Variants in ARGLU1 observed in about 807,000 individuals in gnomAD.
The protein encoded by ARGLU1 is arginine and glutamate rich 1, also known as arginine and glutamate-rich protein 1.
In ARGLU1, 9 loss-of-function variants were observed where a neutral mutation model predicts 37.6. The observed-to-expected ratio is 0.24, with a 90% CI of 0.14 to 0.42. The LOEUF (loss-of-function observed/expected upper bound fraction) is 0.42. Among genes scored for constraint, ARGLU1 ranks in the 10% least tolerant of loss-of-function variants. The pLI is 1.00. For missense variants in ARGLU1, 211 were observed against 359.2 expected (o/e 0.59, Z 3.34); for synonymous variants, 166 against 138.5 (o/e 1.20, Z -1.39).
rs556128530 is a variant in ARGLU1 at position 106,551,158 on chromosome 13, C to G, written c.657+5890G>C. ...CAGAGACAGTTTTTCTAACAGTGAA[C>G]ACCTTTTGCCATCTGAGTAGCCTGA... On this transcript the variant is annotated intron_variant, in intron 3 of 3. Transcript: ENST00000400198. Among the ~76,000 whole-genome samples, 25 of 152,316 alleles carry G rather than the reference C, an allele frequency of 1.6e-4. No homozygotes were observed. The South Asian group carries it at 5.0e-3, about 30-fold the overall frequency.
rs1395936203 is a variant in ARGLU1 at position 106,543,980 on chromosome 13, GT to G, written c.*15del. The G allele has an allele frequency of 6.4e-7, 1 of 1,574,382 alleles. No individual in the cohort carries two copies. The highest frequency in any genetic ancestry group is 1.4e-5 in the African/African-American group (1 of 71,732). On this transcript the variant is annotated 3_prime_UTR_variant, in exon 4 of 4. Transcript: ENST00000400198. ...GTTTTTCCATTTTTCTTTGTAAAAAGTTCAGAGTTTGCAATTTAATCCTGGG... is the reference window on the plus strand; with the variant it reads ...GTTTTTCCATTTTTCTTTGTAAAAAGTCAGAGTTTGCAATTTAATCCTGGG...
Position 106,542,536 on chromosome 13 carries a change from T to A in ARGLU1, c.*1460A>T, listed in dbSNP as rs549026913. On this transcript the variant is annotated 3_prime_UTR_variant, in exon 4 of 4. Transcript: ENST00000400198. ...TTAGACTCATTGAAGAGCTCAAAAC[T>A]AAAGCAACAGCATTTTTCCTAGCAT... 5 of 152,128 alleles carry A rather than the reference T, an allele frequency of 3.3e-5. No homozygotes were observed. Among genetic ancestry groups the A allele is most frequent in the Admixed American group, 1.3e-4 (2 of 15,270 alleles). The allele number at this position is 152,128 out of a possible 1,614,324, so 9.4% of individuals were successfully genotyped here. A position where few individuals can be genotyped will look rare whatever the true frequency, so the allele number is the denominator to read the frequency against.
chr13:106,549,896 G>A (rs945207821), intron 3 of ARGLU1, among the ~76,000 whole-genome samples: 2 of 152,190 alleles, frequency 1.3e-5, no homozygotes, highest in African/African-American at 2.4e-5. Context: ...ACTCTGGAGA[G>A]ACTGCTGTAT....
In ARGLU1 at chr13:106,557,210, G is replaced by C. The variant is rs892683525; in HGVS notation, c.574-79C>G. ...GATAAATATTTACTAATCTTCCTCT[G>C]AACTTTTTTGATATGACTTACAGGG... On this transcript the variant is annotated intron_variant, in intron 2 of 3. Coordinates refer to ENST00000400198, the MANE Select transcript of ARGLU1 (RefSeq NM_018011.4). This position sits in a 1 kb window ranked among gnomAD's most constrained non-coding sequence, Gnocchi z 5.0. The C allele has an allele frequency of 1.4e-5, 18 of 1,257,356 alleles. No homozygotes were observed. Among genetic ancestry groups the C allele is most frequent in the Non-Finnish European group, 2.0e-5 (18 of 878,616 alleles). The allele number at this position is 1,257,356 out of a possible 1,614,324, so 77.9% of individuals were successfully genotyped here.
chr13:106,553,147 A>T (rs2138968497), intron 3 of ARGLU1, among the ~76,000 whole-genome samples: 1 of 152,350 alleles, frequency 6.6e-6, no homozygotes, highest in East Asian at 1.9e-4. Context: ...TAGAAACTGA[A>T]GAAAAGTATA....
chr13:106,561,000 C>A (rs1452806517), intron 1 of ARGLU1, among the ~76,000 whole-genome samples: 1 of 152,216 alleles, frequency 6.6e-6, no homozygotes, highest in Non-Finnish European at 1.5e-5. Context: ...CACACTAACA[C>A]CAATGTGTCT....
At chr13:106,552,869 CTT>C (rs1324545717) in intron 3 of ARGLU1, among the ~76,000 whole-genome samples, 1 of 152,144 alleles carries the variant, frequency 6.6e-6, no homozygotes, top group Non-Finnish European at 1.5e-5. Flanking sequence ...TTGGTTAATA[CTT>C]TTGTCTCTGT....
chr13:106,546,608 G>A (rs1880397089), intron 3 of ARGLU1, among the ~76,000 whole-genome samples: 1 of 152,164 alleles, frequency 6.6e-6, no homozygotes, highest in East Asian at 1.9e-4. Context: ...CAAATTTGGG[G>A]TAAGAGCTTA....
intron 3 of ARGLU1, among the ~76,000 whole-genome samples, chr13:106,551,177 A>T (rs529649600): frequency 6.6e-6 from 1 of 152,236 alleles, no homozygotes; most frequent in South Asian, 2.1e-4. Flanking sequence ...CCATCTGAGT[A>T]GCCTGAGATA....
Position 106,557,031 on chromosome 13 carries a change from G to C in ARGLU1, c.657+17C>G. 1 of 1,598,772 alleles carries C rather than the reference G, an allele frequency of 6.3e-7. No homozygotes were observed. The highest frequency in any genetic ancestry group is 8.6e-7 in the Non-Finnish European group (1 of 1,167,340). ...AAGCAAAATACAAAACACTTTTCAT[G>C]TATGCTTTACACTTACCAGTTTGGC... On this transcript the variant is annotated intron_variant, in intron 3 of 3. Coordinates refer to ENST00000400198, the MANE Select transcript of ARGLU1 (RefSeq NM_018011.4). This position sits in a 1 kb window ranked among gnomAD's most constrained non-coding sequence, Gnocchi z 5.0.
intron 1 of ARGLU1, among the ~76,000 whole-genome samples, chr13:106,566,991 A>G (rs1880983834): frequency 6.6e-6 from 1 of 151,898 alleles, no homozygotes; most frequent in South Asian, 2.1e-4. Flanking sequence ...AAGGGGAAAA[A>G]AGCAATCCCA....
intron 2 of ARGLU1, chr13:106,558,249 T>A (rs949520662): frequency 8.8e-5 from 87 of 983,500 alleles, no homozygotes; most frequent in Admixed American, 1.2e-4. Flanking sequence ...AGCACTGATA[T>A]AAATAAAAAT....
chr13:106,563,884 G>C (rs1444533361), intron 1 of ARGLU1, among the ~76,000 whole-genome samples: 1 of 152,146 alleles, frequency 6.6e-6, no homozygotes, highest in Non-Finnish European at 1.5e-5. Context: ...TGAACACGGA[G>C]GATATTCGAA....
rs373919489 is a variant in ARGLU1, at chr13:106,548,113, C to T, written c.658-3953G>A. ...TTTAAAAATTAGTTGAATATACTGT[C>T]TATATACAAATATTGGTATTTTGTT... On this transcript the variant is annotated intron_variant, in intron 3 of 3. Coordinates refer to ENST00000400198, the MANE Select transcript of ARGLU1 (RefSeq NM_018011.4). Among the ~76,000 whole-genome samples the T allele has an allele frequency of 4.6e-5, 7 of 152,154 alleles. No homozygotes were observed. The East Asian group carries it at 5.8e-4, about 13-fold the overall frequency.
At chr13:106,559,050 G>A (rs543468107) in intron 2 of ARGLU1, 3 of 1,203,514 alleles carry the variant, frequency 2.5e-6, no homozygotes, top group Admixed American at 7.2e-5. Context: ...CTAGGTAACA[G>A]AGTGACAGAA....
chr13:106,557,604 G>A lies in ARGLU1; in HGVS notation c.574-473C>T, dbSNP rs771329835. ...AGAGTGTGCTCCTCGGCTGCCATACGCGCCAGCTTCCTCTTTAAAATGATT... is the reference window on the plus strand; with the variant it reads ...AGAGTGTGCTCCTCGGCTGCCATACACGCCAGCTTCCTCTTTAAAATGATT... On this transcript the variant is annotated intron_variant, in intron 2 of 3. Coordinates refer to ENST00000400198, the MANE Select transcript of ARGLU1 (RefSeq NM_018011.4). The surrounding 1 kb of genome is among the most constrained non-coding windows in gnomAD (Gnocchi z 5.0). 26 of 1,606,172 alleles carry A rather than the reference G, an allele frequency of 1.6e-5. No homozygotes were observed. The highest frequency in any genetic ancestry group is 2.0e-5 in the Non-Finnish European group (23 of 1,176,846).
chr13:106,548,466 A>AT (rs1880451133), intron 3 of ARGLU1, among the ~76,000 whole-genome samples: 1 of 152,288 alleles, frequency 6.6e-6, no homozygotes, highest in African/African-American at 2.4e-5. Context: ...GCATATATGT[A>AT]TTTATACAGA....
At position 106,567,456 on chromosome 13, in the gene ARGLU1, C is replaced by T; in HGVS notation, c.347+117G>A. ...TCCGACCCGTTCCCGCGCCCGGTCC[C>T]CAGCCCCGGACCGTCCCCGCCATTC... On this transcript the variant is annotated intron_variant, in intron 1 of 3. Coordinates refer to ENST00000400198, the MANE Select transcript of ARGLU1 (RefSeq NM_018011.4). This position sits in a 1 kb window ranked among gnomAD's most constrained non-coding sequence, Gnocchi z 4.3. 5.7e-6 allele frequency: 4 copies of T among 704,434 alleles called. No homozygotes were observed. Among genetic ancestry groups the T allele is most frequent in the Non-Finnish European group, 8.7e-6 (4 of 457,502 alleles). 43.6% of individuals were successfully genotyped at this position (704,434 alleles called of 1,614,324 possible).
intron 3 of ARGLU1, among the ~76,000 whole-genome samples, chr13:106,556,796 C>G (rs1284224329): frequency 6.6e-6 from 1 of 152,118 alleles, no homozygotes. Flanking sequence ...AAAGAAAAAA[C>G]TGGGGATAGA....
Sources: gnomAD v4.1 joint callset for allele counts (sites outside exome capture counted in the v4.1 genomes callset) on GRCh38, gnomAD v4.1.1 for gene constraint, Gnocchi (gnomAD v3.1) non-coding constraint, MANE v1.5 for transcripts, NCBI Gene and HGNC (gene_info 2026-07-23, HGNC 2026-07-21) for gene names.